The following TMEM232 variants were observed in gnomAD, a reference collection of about 807,000 sequenced individuals.
TMEM232 encodes transmembrane protein 232.
In TMEM232, 80 loss-of-function variants were observed where a neutral mutation model predicts 78.8. The ratio of observed to expected loss-of-function variants is 1.01; its 90% CI spans 0.85 to 1.22. The LOEUF is 1.22. TMEM232 is among the 50% of genes most tolerant of loss of function. The probability of loss-of-function intolerance (pLI) is 0.00; values close to 1 mark genes in which losing one functional copy is unlikely to be tolerated. For missense variants in TMEM232, 881 were observed against 742.2 expected, an observed-to-expected ratio of 1.19 and a Z score of -2.17; for synonymous variants, 297 against 254.3, an observed-to-expected ratio of 1.17 and a Z score of -1.60.
At chr5:110,455,847 C>T (rs552112220) in intron 12 of TMEM232, among the ~76,000 whole-genome samples, 5 of 152,122 alleles carry the variant, frequency 3.3e-5, no homozygotes, top group African/African-American at 7.2e-5. Context: ...AAAGAAAAAC[C>T]GTTATAGGTC....
intron 11 of TMEM232, among the ~76,000 whole-genome samples, chr5:110,538,684 A>C (rs1384957966): frequency 6.6e-6 from 1 of 152,182 alleles, no homozygotes; most frequent in East Asian, 1.9e-4. Flanking sequence ...GCAGTGCAAA[A>C]GCAGGAATTA....
Position 110,443,223 on chromosome 5 carries a change from G to A in TMEM232, c.1704-18307C>T, listed in dbSNP as rs116489054. The stretch of plus-strand genomic sequence containing the variant: ...TCCAGAGATGCTCTCTGGAAGCCAG[G>A]GATTGCAGCAAAAAACCTTAGAAGT... On this transcript the variant is annotated intron_variant, in intron 12 of 13. Coordinates refer to ENST00000455884, the MANE Select transcript of TMEM232 (RefSeq NM_001039763.4). 2.4e-3 allele frequency among the ~76,000 whole-genome samples: 360 copies of A among 152,216 alleles called. 2 individuals carry two copies. Among genetic ancestry groups the A allele is most frequent in the African/African-American group, 8.2e-3 (341 of 41,540 alleles).
intron 10 of TMEM232, among the ~76,000 whole-genome samples, chr5:110,573,254 C>T (rs866051358): frequency 1.3e-5 from 2 of 151,872 alleles, no homozygotes; most frequent in Non-Finnish European, 2.9e-5. Flanking sequence ...TTAGTGAAAG[C>T]GAAATATGAA....
intron 10 of TMEM232, 143 bp downstream of exon 10, chr5:110,604,966 T>A: frequency 3.1e-6 from 3 of 966,576 alleles, no homozygotes; most frequent in South Asian, 1.8e-5. Context: ...AAAAAATAAA[T>A]CATGCTATAT....
At chr5:110,619,304 C>A (rs569352091) in intron 7 of TMEM232, among the ~76,000 whole-genome samples, 1 of 152,196 alleles carries the variant, frequency 6.6e-6, no homozygotes, top group African/African-American at 2.4e-5. Context: ...TTATATAAAA[C>A]AACATCAGGA....
chr5:110,734,295 G>A (rs1206403899), intron 2 of TMEM232, among the ~76,000 whole-genome samples: 2 of 152,228 alleles, frequency 1.3e-5, no homozygotes, highest in African/African-American at 2.4e-5. Flanking sequence ...GGAGCCCAGA[G>A]TGAAGGGGTA....
intron 4 of TMEM232, among the ~76,000 whole-genome samples, chr5:110,639,901 A>G (rs1166907667): frequency 1.3e-5 from 2 of 152,216 alleles, no homozygotes; most frequent in African/African-American, 4.8e-5. Context: ...CTCAGGCAGT[A>G]ATGCTCGCTC....
intron 2 of TMEM232, among the ~76,000 whole-genome samples, chr5:110,410,549 G>T (rs1031815133): frequency 6.6e-6 from 1 of 152,110 alleles, no homozygotes. Flanking sequence ...AGCTATATAG[G>T]CTTGCTGTCT....
At chr5:110,653,500 G>A (rs116059171) in intron 2 of TMEM232, among the ~76,000 whole-genome samples, 1,784 of 152,258 alleles carry the variant, frequency 0.012, 45 homozygotes, top group African/African-American at 0.04. Context: ...GCAGGAACTC[G>A]AAAGGACAGA....
At position 110,667,246 on chromosome 5, in the gene TMEM232, T is replaced by C; in HGVS notation, c.107A>G (p.Glu36Gly). 1 of 1,545,772 alleles carries C rather than the reference T, an allele frequency of 6.5e-7. No homozygotes were observed. Among genetic ancestry groups the C allele is most frequent in the African/African-American group, 1.4e-5 (1 of 72,902 alleles). Residue 36 changes from glutamate to glycine, a missense_variant, in exon 2 of 14, where the codon GAA becomes GGA. Coordinates refer to ENST00000455884, the MANE Select transcript of TMEM232 (RefSeq NM_001039763.4). ...WKLNFQHLSGERGHKSRPTFS... is the reference protein window; with the variant it reads ...WKLNFQHLSGGRGHKSRPTFS... ...AGCTTACCTTGATTTATGACCCCTT[T>C]CTCCACTTAAATGTTGAAAATTTAA...
At chr5:110,651,177 T>C (rs73228117) in intron 2 of TMEM232, among the ~76,000 whole-genome samples, 8,449 of 152,174 alleles carry the variant, frequency 0.056, 779 homozygotes, top group African/African-American at 0.19. Context: ...ATGGGTCTTA[T>C]ACTCTTTTGG....
At chr5:110,537,423 G>T (rs561808866) in intron 11 of TMEM232, among the ~76,000 whole-genome samples, 81 of 152,056 alleles carry the variant, frequency 5.3e-4, no homozygotes, top group African/African-American at 1.9e-3. Context: ...ACGGCAAATG[G>T]TCCAAAATCC....
At chr5:110,712,695 C>A (rs1796616107) in intron 1 of TMEM232, among the ~76,000 whole-genome samples, 1 of 152,154 alleles carries the variant, frequency 6.6e-6, no homozygotes, top group South Asian at 2.1e-4. Context: ...TTTTGTATAG[C>A]CCACTCGAGG....
intron 1 of TMEM232, among the ~76,000 whole-genome samples, chr5:110,712,642 C>T (rs1395155077): frequency 6.6e-6 from 1 of 152,180 alleles, no homozygotes; most frequent in Non-Finnish European, 1.5e-5. Flanking sequence ...TTCACTGCTC[C>T]CCTTCTCCAA....
At chr5:110,404,351 G>C (rs1755710421) in intron 2 of TMEM232, among the ~76,000 whole-genome samples, 1 of 151,998 alleles carries the variant, frequency 6.6e-6, no homozygotes, top group African/African-American at 2.4e-5. Flanking sequence ...AAAGAGAAAG[G>C]AGTAGAAGGT....
At chr5:110,736,760 A>G (rs1799213839) in intron 1 of TMEM232, among the ~76,000 whole-genome samples, 1 of 151,956 alleles carries the variant, frequency 6.6e-6, no homozygotes. Context: ...TCTACTCTCA[A>G]AAAACCTAAA....
At chr5:110,721,380 T>C (rs538273724) in intron 1 of TMEM232, among the ~76,000 whole-genome samples, 1 of 152,012 alleles carries the variant, frequency 6.6e-6, no homozygotes, top group African/African-American at 2.4e-5. Flanking sequence ...TACTACCTTC[T>C]AGGTAACATC....
At chr5:110,598,167 AAAAC>A (rs1780418927) in intron 10 of TMEM232, among the ~76,000 whole-genome samples, 1 of 152,214 alleles carries the variant, frequency 6.6e-6, no homozygotes, top group African/African-American at 2.4e-5. Context: ...TTACAAGAAA[AAAAC>A]AAACAACCCC....
intron 12 of TMEM232, among the ~76,000 whole-genome samples, chr5:110,433,682 G>A (rs745732993): frequency 6.6e-5 from 10 of 152,158 alleles, no homozygotes; most frequent in Non-Finnish European, 1.5e-4. Flanking sequence ...TTTTCATGAA[G>A]AGATGTTGGA....
Sources: gnomAD v4.1 joint callset for allele counts (sites outside exome capture counted in the v4.1 genomes callset) on GRCh38, gnomAD v4.1.1 for gene constraint, MANE v1.5 for transcripts, NCBI Gene and HGNC (gene_info 2026-07-23, HGNC 2026-07-21) for gene names.